Variants in MACROD2 observed in about 807,000 individuals in gnomAD.
The protein encoded by MACROD2 is ADP-ribose glycohydrolase MACROD2.
MACROD2 carries 36 observed loss-of-function variants against 70.4 expected under a neutral mutation model. The ratio of observed to expected loss-of-function variants is 0.51; its 90% CI spans 0.39 to 0.68. The LOEUF is 0.68. Among genes scored for constraint, MACROD2 ranks in the 30% least tolerant of loss-of-function variants. The pLI, the probability that MACROD2 is intolerant of heterozygous loss-of-function variation, is 0.00. For synonymous variants in MACROD2, 172 were observed against 178.8 expected, an observed-to-expected ratio of 0.96 and a Z score of 0.30; for missense variants, 496 against 538.4, an observed-to-expected ratio of 0.92 and a Z score of 0.78.
chr20:15,715,597 A>G (rs2050697036), intron 8 of MACROD2, among the ~76,000 whole-genome samples: 2 of 152,180 alleles, frequency 1.3e-5, no homozygotes, highest in South Asian at 4.1e-4. Flanking sequence ...TTTCCTGTCT[A>G]TGAGATAAGT....
intron 5 of MACROD2, among the ~76,000 whole-genome samples, chr20:14,692,597 T>C (rs1369606203): frequency 1.3e-5 from 2 of 152,176 alleles, no homozygotes; most frequent in East Asian, 1.9e-4. Flanking sequence ...TCCTCTTGTC[T>C]TTGTCATAAT....
intron 5 of MACROD2, among the ~76,000 whole-genome samples, chr20:14,955,252 A>ATT (rs2074524546): frequency 7.3e-6 from 1 of 137,846 alleles, no homozygotes; most frequent in Non-Finnish European, 1.5e-5. Context: ...TATATAATTT[A>ATT]TATAATATAA....
At chr20:15,215,365 A>G (rs2076801437) in intron 5 of MACROD2, among the ~76,000 whole-genome samples, 1 of 151,284 alleles carries the variant, frequency 6.6e-6, no homozygotes. Context: ...TTTAACCTTA[A>G]AAAAACTATG....
Position 15,872,580 on chromosome 20 carries a change from A to G in MACROD2, c.727+9754A>G, listed in dbSNP as rs145920774. On this transcript the variant is annotated intron_variant, in intron 9 of 17. Transcript: ENST00000684519. ...ATACTAATGGACCAATTCCAAATAT[A>G]AGGAATAGTAATATAAATGAAAGTT... Among the ~76,000 whole-genome samples, 559 of 152,288 alleles carry G rather than the reference A, an allele frequency of 3.7e-3. 5 individuals are homozygous for G. The highest frequency in any genetic ancestry group is 4.8e-3 in the Non-Finnish European group (326 of 68,028).
intron 8 of MACROD2, among the ~76,000 whole-genome samples, chr20:15,827,842 A>C (rs6131728): frequency 6.6e-6 from 1 of 152,196 alleles, no homozygotes; most frequent in African/African-American, 2.4e-5. Flanking sequence ...TCTCCACAGC[A>C]ATGGAGCAAG....
intron 5 of MACROD2, among the ~76,000 whole-genome samples, chr20:14,878,972 T>C (rs1303680413): frequency 6.6e-6 from 1 of 152,132 alleles, no homozygotes; most frequent in Non-Finnish European, 1.5e-5. Context: ...AATGACCCTT[T>C]CTAATTACTT....
chr20:15,241,987 A>C (rs936665668), intron 6 of MACROD2, among the ~76,000 whole-genome samples: 1 of 152,136 alleles, frequency 6.6e-6, no homozygotes, highest in African/African-American at 2.4e-5. Flanking sequence ...TCTCCAAGGC[A>C]TGTATTAAAT....
chr20:14,961,684 A>G (rs1349743513), intron 5 of MACROD2, among the ~76,000 whole-genome samples: 1 of 152,004 alleles, frequency 6.6e-6, no homozygotes, highest in Non-Finnish European at 1.5e-5. Flanking sequence ...CCCAAAGTGC[A>G]AGGATTACAG....
At chr20:15,331,192 T>A (rs1008421750) in intron 6 of MACROD2, among the ~76,000 whole-genome samples, 3 of 151,720 alleles carry the variant, frequency 2.0e-5, no homozygotes, top group Non-Finnish European at 4.4e-5. Context: ...TTTTCATTAT[T>A]TTACAGAAGC....
chr20:14,579,208 C>G (rs957345874), intron 4 of MACROD2, among the ~76,000 whole-genome samples: 1 of 133,204 alleles, frequency 7.5e-6, no homozygotes, highest in Non-Finnish European at 1.5e-5. Flanking sequence ...GTGGCGCAAT[C>G]TCGGCTCACT....
intron 8 of MACROD2, among the ~76,000 whole-genome samples, chr20:15,747,633 T>C (rs2051203463): frequency 6.6e-6 from 1 of 152,200 alleles, no homozygotes; most frequent in Non-Finnish European, 1.5e-5. Flanking sequence ...CAATGGACTT[T>C]TGTATATTAA....
intron 8 of MACROD2, among the ~76,000 whole-genome samples, chr20:15,808,682 T>C (rs1464551468): frequency 1.3e-5 from 2 of 152,196 alleles, no homozygotes; most frequent in East Asian, 3.8e-4. Context: ...ATTTAAATGA[T>C]ACATAATAAG....
chr20:15,739,559 A>T (rs1216804193), intron 8 of MACROD2, among the ~76,000 whole-genome samples: 1 of 152,210 alleles, frequency 6.6e-6, no homozygotes, highest in African/African-American at 2.4e-5. Context: ...GTATTAGATA[A>T]GTTAGGAGCA....
At chr20:14,843,101 C>CT (rs2073103859) in intron 5 of MACROD2, among the ~76,000 whole-genome samples, 1 of 151,174 alleles carries the variant, frequency 6.6e-6, no homozygotes, top group Non-Finnish European at 1.5e-5. Flanking sequence ...ATCCCCAACT[C>CT]TTATTCCCTG....
chr20:14,686,545 C>T (rs143039531), intron 5 of MACROD2, among the ~76,000 whole-genome samples: 6 of 152,166 alleles, frequency 3.9e-5, no homozygotes, highest in East Asian at 1.9e-4. Flanking sequence ...TTTTACTGTA[C>T]GTTTTCTATG....
intron 4 of MACROD2, among the ~76,000 whole-genome samples, chr20:14,528,307 G>C (rs1429140439): frequency 6.8e-6 from 1 of 146,894 alleles, no homozygotes; most frequent in Non-Finnish European, 1.5e-5. Flanking sequence ...TTTTTTAGTA[G>C]AGACAGGGTT....
intron 15 of MACROD2, among the ~76,000 whole-genome samples, chr20:16,011,778 C>T (rs1403785888): frequency 6.6e-6 from 1 of 152,200 alleles, no homozygotes; most frequent in Non-Finnish European, 1.5e-5. Context: ...TGGGAGCTGC[C>T]TGTCAGGGGC....
chr20:15,177,913 T>C (rs1313566184), intron 5 of MACROD2, among the ~76,000 whole-genome samples: 1 of 152,052 alleles, frequency 6.6e-6, no homozygotes, highest in Non-Finnish European at 1.5e-5. Flanking sequence ...AGATGCACAT[T>C]ATATCCTGGT....
At chr20:14,751,352 C>T (rs1054205457) in intron 5 of MACROD2, among the ~76,000 whole-genome samples, 2 of 151,920 alleles carry the variant, frequency 1.3e-5, no homozygotes, top group African/African-American at 2.4e-5. Flanking sequence ...ATGTTTACAG[C>T]CATTTAAGAC....
Sources: gnomAD v4.1 joint callset for allele counts (sites outside exome capture counted in the v4.1 genomes callset) on GRCh38, gnomAD v4.1.1 for gene constraint, MANE v1.5 for transcripts, NCBI Gene and HGNC (gene_info 2026-07-23, HGNC 2026-07-21) for gene names.